Variants in STARD13 observed in about 807,000 individuals in gnomAD.
The protein encoded by STARD13 is stAR-related lipid transfer protein 13.
In STARD13, 62 loss-of-function variants were observed where a neutral mutation model predicts 106.4. The ratio of observed to expected loss-of-function variants is 0.58; its 90% CI spans 0.48 to 0.72. The LOEUF (loss-of-function observed/expected upper bound fraction) is 0.72. Ranked by LOEUF, STARD13 falls within the 30% of genes least tolerant of loss-of-function variation. The probability of loss-of-function intolerance (pLI) is 0.00; values close to 1 mark genes in which losing one functional copy is unlikely to be tolerated. For missense variants in STARD13, 1,387 were observed against 1,424.0 expected, an observed-to-expected ratio of 0.97 and a Z score of 0.42; for synonymous variants, 565 against 553.0, an observed-to-expected ratio of 1.02 and a Z score of -0.31.
chr13:33,354,255 T>C (rs2078105791), upstream of STARD13, among the ~76,000 whole-genome samples: 1 of 152,254 alleles, frequency 6.6e-6, no homozygotes, highest in Non-Finnish European at 1.5e-5. Flanking sequence ...TTGAAAGCTC[T>C]TGGTCTCACT....
At chr13:33,448,506 T>C in the STARD13 span, among the ~76,000 whole-genome samples, 1 of 152,178 alleles carries the variant, frequency 6.6e-6, no homozygotes. Context: ...ATTCAACCAC[T>C]GAGGGGATTT....
the STARD13 span, among the ~76,000 whole-genome samples, chr13:33,428,969 T>C: frequency 6.6e-6 from 1 of 152,162 alleles, no homozygotes; most frequent in African/African-American, 2.4e-5. Flanking sequence ...AAAACTACAA[T>C]GAGATATCAT....
At chr13:33,378,436 C>T in the STARD13 span, among the ~76,000 whole-genome samples, 1 of 152,234 alleles carries the variant, frequency 6.6e-6, no homozygotes, top group African/African-American at 2.4e-5. Flanking sequence ...TACACCTTGA[C>T]TTGCTGTGGT....
chr13:33,455,232 T>C, the STARD13 span, among the ~76,000 whole-genome samples: 1 of 152,190 alleles, frequency 6.6e-6, no homozygotes, highest in African/African-American at 2.4e-5. Context: ...AGCCTCAGAC[T>C]CTGAACAGGA....
At chr13:33,406,805 A>C in the STARD13 span, among the ~76,000 whole-genome samples, 1 of 152,316 alleles carries the variant, frequency 6.6e-6, no homozygotes, top group Admixed American at 6.5e-5. Context: ...GATAGTAGAG[A>C]GCTGAAACAG....
chr13:33,271,854 T>C (rs1173597162), intron 1 of STARD13, among the ~76,000 whole-genome samples: 2 of 151,912 alleles, frequency 1.3e-5, no homozygotes, highest in East Asian at 3.9e-4. Context: ...AACTTCTTGG[T>C]TCCAAGTAAA....
At chr13:33,225,253 A>T (rs1888561470) in intron 1 of STARD13, among the ~76,000 whole-genome samples, 1 of 152,186 alleles carries the variant, frequency 6.6e-6, no homozygotes, top group South Asian at 2.1e-4. Flanking sequence ...AAACTGGGAA[A>T]TACATGGGAA....
At chr13:33,150,969 C>A (rs1881194398) in intron 3 of STARD13, among the ~76,000 whole-genome samples, 1 of 152,114 alleles carries the variant, frequency 6.6e-6, no homozygotes. Context: ...ATGGTCCCTG[C>A]CCTTGAGAAT....
chr13:33,510,864 C>G, the STARD13 span, among the ~76,000 whole-genome samples: 2 of 152,138 alleles, frequency 1.3e-5, no homozygotes, highest in South Asian at 4.1e-4. Context: ...TCAATAAATA[C>G]ATTTTTGTGT....
intron 3 of STARD13, among the ~76,000 whole-genome samples, chr13:33,147,028 C>T (rs1200418916): frequency 6.6e-6 from 1 of 152,172 alleles, no homozygotes; most frequent in South Asian, 2.1e-4. Flanking sequence ...CCTGAAAACC[C>T]CCAGTTCACA....
the STARD13 span, among the ~76,000 whole-genome samples, chr13:33,375,252 C>G: frequency 6.6e-6 from 1 of 151,920 alleles, no homozygotes; most frequent in East Asian, 1.9e-4. Flanking sequence ...CCTGAAGAGG[C>G]AAGTAGGGGT....
the STARD13 span, among the ~76,000 whole-genome samples, chr13:33,650,615 G>GT: frequency 6.6e-6 from 1 of 152,226 alleles, no homozygotes; most frequent in African/African-American, 2.4e-5. Flanking sequence ...GTAAAATTCA[G>GT]TAATTGGTCC....
Position 33,112,980 on chromosome 13 carries a change from G to A in STARD13, c.2282-49C>T, listed in dbSNP as rs951010611. 84 of 1,461,400 alleles carry A rather than the reference G, an allele frequency of 5.7e-5. 1 individual carries two copies. The highest frequency in any genetic ancestry group is 9.9e-5 in the Admixed American group (5 of 50,742). The allele number at this position is 1,461,400 out of a possible 1,614,324, so 90.5% of individuals were successfully genotyped here. A position where few individuals can be genotyped will look rare whatever the true frequency, so the allele number is the denominator to read the frequency against. On this transcript the variant is annotated intron_variant, in intron 8 of 13. Coordinates refer to ENST00000336934, the MANE Select transcript of STARD13 (RefSeq NM_178006.4). ...CATTGGAGGAGCAGACATAGAAAGA[G>A]CCAGCTGGGAAGCACTGTGTAAGCT...
chr13:33,292,771 G>A (rs1423305812), intron 1 of STARD13, among the ~76,000 whole-genome samples: 1 of 151,724 alleles, frequency 6.6e-6, no homozygotes, highest in Non-Finnish European at 1.5e-5. Flanking sequence ...TTTCTGTGAG[G>A]GTCTTCGAAA....
chr13:33,126,097 C>T lies in STARD13; in HGVS notation c.2066G>A (p.Ser689Asn). ...CAGCCCTACCTGATCGAGGCAGTTG[C>T]TGCGTAGATATCTCAGTGCTTGCTG... Reference protein sequence around the residue: ...SIQQALRYLRSNCLDQVGLFR... With the variant: ...SIQQALRYLRNNCLDQVGLFR... Residue 689 changes from serine to asparagine, a missense_variant, in exon 7 of 14, where the codon AGC becomes AAC. By Grantham distance (46) the Ser-to-Asn change is conservative (BLOSUM62 1). Coordinates refer to ENST00000336934, the MANE Select transcript of STARD13 (RefSeq NM_178006.4). 1.2e-6 allele frequency: 2 copies of T among 1,613,954 alleles called. No homozygotes were observed. The highest frequency in any genetic ancestry group is 1.7e-6 in the Non-Finnish European group (2 of 1,179,946).
the STARD13 span, among the ~76,000 whole-genome samples, chr13:33,675,208 T>A: frequency 6.6e-6 from 1 of 152,346 alleles, no homozygotes; most frequent in Non-Finnish European, 1.5e-5. Context: ...GTTTATGGCA[T>A]GCCTGTTGGG....
At chr13:33,528,972 T>A in the STARD13 span, among the ~76,000 whole-genome samples, 1 of 152,200 alleles carries the variant, frequency 6.6e-6, no homozygotes, top group Non-Finnish European at 1.5e-5. Flanking sequence ...CTCATTGGAA[T>A]AAATGGGGAT....
chr13:33,455,938 G>T, the STARD13 span, among the ~76,000 whole-genome samples: 1 of 151,928 alleles, frequency 6.6e-6, no homozygotes, highest in Admixed American at 6.6e-5. Context: ...GCAAGACTCC[G>T]TCTCAACAAA....
At chr13:33,417,398 A>G in the STARD13 span, among the ~76,000 whole-genome samples, 206 of 152,328 alleles carry the variant, frequency 1.4e-3, 1 homozygote, top group Admixed American at 3.7e-3. Flanking sequence ...AACTAACGAA[A>G]GAAATGTCTT....
Sources: gnomAD v4.1 joint callset for allele counts (sites outside exome capture counted in the v4.1 genomes callset) on GRCh38, gnomAD v4.1.1 for gene constraint, MANE v1.5 for transcripts, NCBI Gene and HGNC (gene_info 2026-07-23, HGNC 2026-07-21) for gene names.